MUC12: variants seen among roughly 807,000 people sequenced by gnomAD.
The protein encoded by MUC12 is mucin 12, cell surface associated, also known as mucin-12.
A neutral mutation model predicts 230.8 loss-of-function variants in MUC12; 172 were observed. The observed-to-expected ratio is 0.75, with a 90% confidence interval of 0.66 to 0.85. The LOEUF (loss-of-function observed/expected upper bound fraction) is 0.85, where lower values mean the gene tolerates loss of function less well. Among genes scored for constraint, MUC12 ranks in the 40% least tolerant of loss-of-function variants. The probability of loss-of-function intolerance (pLI) is 0.00; values close to 1 mark genes in which losing one functional copy is unlikely to be tolerated. For missense variants in MUC12, 3,506 were observed against 5,920.6 expected (o/e 0.59, Z 13.38); for synonymous variants, 1,259 against 2,401.9 (o/e 0.52, Z 13.91).
intron 1 of MUC12, among the ~76,000 whole-genome samples, chr7:100,974,781 T>G: frequency 6.6e-6 from 1 of 152,304 alleles, no homozygotes; most frequent in Admixed American, 6.5e-5. Flanking sequence ...GCTGTGATTG[T>G]GCCACTGCAT....
chr7:101,014,347 G>C (rs1479784200), intron 9 of MUC12: 3 of 311,812 alleles, frequency 9.6e-6, no homozygotes, highest in Non-Finnish European at 1.8e-5. Context: ...AAGTTTATTT[G>C]GCTCACAGTT....
rs1019770425 is a variant in MUC12 at position 100,970,871 on chromosome 7, C to T, written c.67+1182C>T. 2.6e-5 allele frequency among the ~76,000 whole-genome samples: 4 copies of T among 152,090 alleles called. No individual in the cohort carries two copies. In the East Asian group the frequency reaches 7.7e-4, roughly 29 times the overall value. On this transcript the variant is annotated intron_variant, in intron 1 of 11. Transcript: ENST00000536621. ...AATTAGCCGGGCGAGGTGGCGGGCA[C>T]CTGTAGTCCCAGCTACTCAAAAGGC...
chr7:100,978,997 T>C (rs1243627658), intron 1 of MUC12, among the ~76,000 whole-genome samples: 1 of 152,076 alleles, frequency 6.6e-6, no homozygotes, highest in African/African-American at 2.4e-5. Flanking sequence ...TTTGTACAGA[T>C]GGGGGTCTCG....
chr7:101,012,570 G>A (rs1793853989), intron 6 of MUC12, 123 bp downstream of exon 6: 5 of 1,212,186 alleles, frequency 4.1e-6, no homozygotes, highest in Non-Finnish European at 5.7e-6. Context: ...GAACCCAGAA[G>A]CCAGGCCCAG....
At position 100,992,650 on chromosome 7, in the gene MUC12, C is replaced by A. The variant is rs747680060; in HGVS notation, c.2087C>A (p.Thr696Asn). 6.5e-7 allele frequency: 1 copy of A among 1,537,292 alleles called. No homozygotes were observed. Among genetic ancestry groups the A allele is most frequent in the African/African-American group, 1.4e-5 (1 of 72,796 alleles). Residue 696 changes from threonine to asparagine, a missense_variant, in exon 2 of 12, where the codon ACT (threonine) becomes AAT (asparagine). Transcript: ENST00000536621. ...STTYHSSPGSTQTMHFPESDT... is the reference protein window; with the variant it reads ...STTYHSSPGSNQTMHFPESDT... ...ACCTACCACAGCAGCCCGGGCTCAA[C>A]TCAAACAATGCACTTCCCTGAAAGC...
intron 1 of MUC12, among the ~76,000 whole-genome samples, chr7:100,990,319 G>A (rs1022373742): frequency 3.9e-5 from 6 of 152,220 alleles, no homozygotes; most frequent in African/African-American, 1.4e-4. Context: ...AACGGTAAAT[G>A]TAATGTGCTT....
chr7:101,004,878 A>C lies in MUC12; in HGVS notation c.14315A>C (p.Gln4772Pro). The part of the protein sequence containing the change: ...ISGEPTSLYS[Q>P]AESTHTTAFP... Reference sequence around the variant, plus strand: ...GGAGAACCCACCAGCTTGTATAGCCAAGCAGAGTCAACACACACAACAGCG... The same window carrying C: ...GGAGAACCCACCAGCTTGTATAGCCCAGCAGAGTCAACACACACAACAGCG... The change falls in exon 2 of 12, where the codon CAA (glutamine) becomes CCA (proline). Residue 4772 changes from glutamine (Q) to proline (P), a missense_variant. Coordinates refer to ENST00000536621, the MANE Select transcript of MUC12 (RefSeq NM_001164462.2). The C allele has an allele frequency of 6.5e-7, 1 of 1,537,756 alleles. No individual in the cohort carries two copies. The highest frequency in any genetic ancestry group is 8.7e-7 in the Non-Finnish European group (1 of 1,147,024).
chr7:100,970,474 C>A (rs1487052029), intron 1 of MUC12, among the ~76,000 whole-genome samples: 5 of 84,120 alleles, frequency 5.9e-5, no homozygotes, highest in Non-Finnish European at 1.2e-4. Context: ...GCGATAAGAG[C>A]AAAACACTGC....
At position 100,990,890 on chromosome 7, in the gene MUC12, TA is replaced by T; in HGVS notation, c.331del (p.Thr111ProfsTer23). Reference sequence around the variant, plus strand: ...CAACCTCAGTTTTTGTTGGAGAACCTAAAACCTCACCCATCACTTCAGCCTC... The same window carrying T: ...CAACCTCAGTTTTTGTTGGAGAACCTAAACCTCACCCATCACTTCAGCCTC... ...SATSVFVGEP[K>X]TSPITSASME... is the part of the protein sequence containing the mutation. On this transcript the variant is annotated frameshift_variant, in exon 2 of 12. Coordinates refer to ENST00000536621, the MANE Select transcript of MUC12 (RefSeq NM_001164462.2). LOFTEE classifies it high-confidence loss of function. 6.5e-7 allele frequency: 1 copy of T among 1,537,792 alleles called. No homozygotes were observed. The highest frequency in any genetic ancestry group is 8.7e-7 in the Non-Finnish European group (1 of 1,147,032).
chr7:100,971,979 G>T, intron 1 of MUC12: 2 of 687,274 alleles, frequency 2.9e-6, no homozygotes, highest in Non-Finnish European at 5.3e-6. Flanking sequence ...GAATCCCTTA[G>T]TGTGCAAAAC....
At position 101,013,951 on chromosome 7, in the gene MUC12, C is replaced by G; in HGVS notation, c.15677C>G (p.Thr5226Ser). Reference sequence around the variant, plus strand: ...AACACACACTGGTACTGGGGAGAGACCTGTGAATTCAACATCGCCAAGAGC... The same window carrying G: ...AACACACACTGGTACTGGGGAGAGAGCTGTGAATTCAACATCGCCAAGAGC... ...NTNTHWYWGE[T>S]CEFNIAKSLV... The change falls in exon 9 of 12, where the codon ACC becomes AGC. Residue 5226 changes from threonine (T) to serine (S), a missense_variant. Transcript: ENST00000536621. 6.5e-7 allele frequency: 1 copy of G among 1,536,312 alleles called. No homozygotes were observed. Among genetic ancestry groups the G allele is most frequent in the Non-Finnish European group, 8.7e-7 (1 of 1,146,514 alleles).
chr7:100,987,726 A>G (rs1031501840), intron 1 of MUC12, among the ~76,000 whole-genome samples: 1 of 152,064 alleles, frequency 6.6e-6, no homozygotes, highest in African/African-American at 2.4e-5. Context: ...TAATCCCAGC[A>G]CTTTGGGAGG....
At chr7:101,007,478 TC>T (rs1468995895) in intron 3 of MUC12, among the ~76,000 whole-genome samples, 1 of 152,212 alleles carries the variant, frequency 6.6e-6, no homozygotes, top group Non-Finnish European at 1.5e-5. Context: ...ACTTTTAGAT[TC>T]CACTAACAAG....
intron 1 of MUC12, among the ~76,000 whole-genome samples, chr7:100,977,929 C>G (rs1202676494): frequency 6.6e-6 from 1 of 152,176 alleles, no homozygotes; most frequent in Non-Finnish European, 1.5e-5. Context: ...TCACTCCGAT[C>G]TCTGCCTCAT....
rs1194636268 is a variant in MUC12 at position 100,969,696 on chromosome 7, G to T, written c.67+7G>T. The T allele has an allele frequency of 3.9e-6, 6 of 1,537,212 alleles. No homozygotes were observed. Among genetic ancestry groups the T allele is most frequent in the African/African-American group, 1.4e-5 (1 of 73,066 alleles). On this transcript the variant is annotated splice_region_variant and intron_variant, in intron 1 of 11. Coordinates refer to ENST00000536621, the MANE Select transcript of MUC12 (RefSeq NM_001164462.2). ...GTTACTACAGTGACACCAGGTGAGT[G>T]CTCCTGGGCTGATGCTCCAGGTCCA...
chr7:100,977,370 CT>C (rs59529521), intron 1 of MUC12, among the ~76,000 whole-genome samples: 93,986 of 144,084 alleles, frequency 0.65, 30,343 homozygotes, highest in East Asian at 0.77. Flanking sequence ...CCTTCTCTAG[CT>C]TTTTTTTTTT....
intron 1 of MUC12, among the ~76,000 whole-genome samples, chr7:100,980,321 C>T (rs762114623): frequency 7.9e-5 from 12 of 152,162 alleles, no homozygotes; most frequent in Non-Finnish European, 1.6e-4. Flanking sequence ...GGATTACAGG[C>T]GTGAGCCACC....
Position 101,018,684 on chromosome 7 carries a change from C to T in MUC12, c.*48C>T. The T allele has an allele frequency of 4.6e-6, 7 of 1,510,278 alleles. No homozygotes were observed. The highest frequency in any genetic ancestry group is 5.0e-5 in the East Asian group (2 of 39,858). 93.6% of individuals were successfully genotyped at this position (1,510,278 alleles called of 1,614,324 possible). Reference sequence around the variant, plus strand: ...CATCTAGCTCTGTTCAGGAGAGCTGCAAACACAGAGCCCACCACAAGCCTC... The same window carrying T: ...CATCTAGCTCTGTTCAGGAGAGCTGTAAACACAGAGCCCACCACAAGCCTC... On this transcript the variant is annotated 3_prime_UTR_variant, in exon 12 of 12. Coordinates refer to ENST00000536621, the MANE Select transcript of MUC12 (RefSeq NM_001164462.2).
At chr7:100,989,270 G>A (rs1014270194) in intron 1 of MUC12, among the ~76,000 whole-genome samples, 18 of 151,774 alleles carry the variant, frequency 1.2e-4, no homozygotes, top group East Asian at 7.8e-4. Flanking sequence ...CACCACACCC[G>A]GCTAATTTTT....
Sources: allele counts gnomAD v4.1 joint callset (sites outside exome capture counted in the v4.1 genomes callset), GRCh38; gene constraint gnomAD v4.1.1; transcripts MANE v1.5; gene names NCBI Gene and HGNC (gene_info 2026-07-23, HGNC 2026-07-21).